Variants in CGNL1 observed in about 807,000 individuals in gnomAD.
The protein encoded by CGNL1 is cingulin like 1.
A neutral mutation model predicts 141.2 loss-of-function variants in CGNL1; 132 were observed. That is an observed-to-expected ratio of 0.93 (90% CI 0.81 to 1.08). CGNL1 has a LOEUF of 1.08. Ranked by LOEUF, CGNL1 falls within the 50% of genes least tolerant of loss-of-function variation. The pLI, the probability that CGNL1 is intolerant of heterozygous loss-of-function variation, is 0.00. For synonymous variants in CGNL1, 690 were observed against 622.1 expected, an observed-to-expected ratio of 1.11 and a Z score of -1.63; for missense variants, 1,870 against 1,588.6, an observed-to-expected ratio of 1.18 and a Z score of -3.01.
At chr15:57,399,731 C>T (rs891503624) in intron 1 of CGNL1, among the ~76,000 whole-genome samples, 3 of 152,162 alleles carry the variant, frequency 2.0e-5, no homozygotes, top group Admixed American at 2.0e-4. Context: ...AGGTCGAGTG[C>T]AGGGGCTCAT....
chr15:57,462,987 C>T (rs112638518), intron 8 of CGNL1, among the ~76,000 whole-genome samples: 3,373 of 152,204 alleles, frequency 0.022, 75 homozygotes, highest in East Asian at 0.06. Context: ...TGTGCACCAG[C>T]CTGGTATCCT....
Position 57,528,449 on chromosome 15 carries a change from G to A in CGNL1, c.3040-205G>A, listed in dbSNP as rs547800449. On this transcript the variant is annotated intron_variant, in intron 12 of 18. Transcript: ENST00000281282. ...AGAATTTGTAACCTAATAGGTTGCT[G>A]CCTGTAGCTGGAAAACCTCCTCTTT... Among the ~76,000 whole-genome samples, 49 of 152,202 alleles carry A rather than the reference G, an allele frequency of 3.2e-4. 1 individual carries two copies. The South Asian group carries it at 8.9e-3, about 28-fold the overall frequency.
chr15:57,485,011 A>T (rs527574074), intron 8 of CGNL1, among the ~76,000 whole-genome samples: 2 of 144,866 alleles, frequency 1.4e-5, no homozygotes, highest in South Asian at 4.4e-4. Flanking sequence ...CTTTGGGTTT[A>T]TATTGCTCTT....
At chr15:57,432,858 A>T (rs1333211758) in intron 1 of CGNL1, among the ~76,000 whole-genome samples, 1 of 152,266 alleles carries the variant, frequency 6.6e-6, no homozygotes, top group African/African-American at 2.4e-5. Context: ...AAATTTAAAT[A>T]TGTGGATTAA....
intron 4 of CGNL1, among the ~76,000 whole-genome samples, chr15:57,442,839 G>T (rs964885589): frequency 6.6e-6 from 1 of 152,100 alleles, no homozygotes; most frequent in Non-Finnish European, 1.5e-5. Context: ...GGCTGGTCTC[G>T]AACGTCTGGG....
At chr15:57,391,587 C>G (rs1051223280) in intron 1 of CGNL1, among the ~76,000 whole-genome samples, 15 of 152,050 alleles carry the variant, frequency 9.9e-5, no homozygotes, top group Non-Finnish European at 1.8e-4. Flanking sequence ...TGCAAGTAAA[C>G]AAAACTCAGT....
rs1268553284 is a variant in CGNL1, at chr15:57,439,345, G to C, written c.1346G>C (p.Gly449Ala). ...SVGRTFAKLQGAAHGASCAHS... is the reference protein window; with the variant it reads ...SVGRTFAKLQAAAHGASCAHS... Reference sequence around the variant, plus strand: ...GGCCGCACCTTTGCAAAGCTGCAGGGAGCAGCGCACGGGGCTTCATGTGCC... The same window carrying C: ...GGCCGCACCTTTGCAAAGCTGCAGGCAGCAGCGCACGGGGCTTCATGTGCC... Residue 449 changes from glycine (G) to alanine (A), a missense_variant, in exon 2 of 19, where the codon GGA becomes GCA. Transcript: ENST00000281282. 1.2e-6 allele frequency: 2 copies of C among 1,614,148 alleles called. No homozygotes were observed. Among genetic ancestry groups the C allele is most frequent in the Non-Finnish European group, 8.5e-7 (1 of 1,180,048 alleles).
chr15:57,462,116 C>A (rs2063455110), intron 8 of CGNL1, among the ~76,000 whole-genome samples: 1 of 152,100 alleles, frequency 6.6e-6, no homozygotes, highest in Non-Finnish European at 1.5e-5. Flanking sequence ...TGGTTAAATC[C>A]TGTTGCAGAG....
At chr15:57,424,146 G>T (rs904032234) in intron 1 of CGNL1, among the ~76,000 whole-genome samples, 19 of 152,182 alleles carry the variant, frequency 1.2e-4, no homozygotes, top group Admixed American at 1.0e-3. Flanking sequence ...CTCCCACTGG[G>T]CTCTGGCCAA....
chr15:57,529,557 GAAACAC>G (rs2031828243), intron 13 of CGNL1, among the ~76,000 whole-genome samples: 1 of 80,284 alleles, frequency 1.2e-5, no homozygotes, highest in South Asian at 4.6e-4. Context: ...CTAACCCCCA[GAAACAC>G]ACACACACAC....
intron 8 of CGNL1, among the ~76,000 whole-genome samples, chr15:57,487,922 G>A (rs111983238): frequency 6.6e-6 from 1 of 152,148 alleles, no homozygotes; most frequent in Non-Finnish European, 1.5e-5. Context: ...CATTTCTTTG[G>A]CGTGTATACC....
chr15:57,410,677 A>G (rs989868241), intron 1 of CGNL1, among the ~76,000 whole-genome samples: 4 of 152,220 alleles, frequency 2.6e-5, no homozygotes, highest in African/African-American at 9.6e-5. Flanking sequence ...TCTTTCCACA[A>G]TATCGGAGGC....
intron 1 of CGNL1, among the ~76,000 whole-genome samples, chr15:57,396,625 A>G (rs2062605845): frequency 6.6e-6 from 1 of 152,148 alleles, no homozygotes; most frequent in African/African-American, 2.4e-5. Flanking sequence ...CTCTTTGAGT[A>G]CATTTCTAGG....
intron 8 of CGNL1, among the ~76,000 whole-genome samples, chr15:57,505,620 C>G (rs1223148148): frequency 1.3e-5 from 2 of 152,140 alleles, no homozygotes; most frequent in Non-Finnish European, 2.9e-5. Context: ...CCTGTGGGTA[C>G]CAGAGTCAGC....
chr15:57,500,268 C>T (rs891726468), intron 8 of CGNL1, among the ~76,000 whole-genome samples: 6 of 152,116 alleles, frequency 3.9e-5, no homozygotes, highest in Non-Finnish European at 7.3e-5. Flanking sequence ...CCTTGCGGCC[C>T]GTGGGTTCCT....
At chr15:57,545,889 T>C (rs2032836166) in intron 17 of CGNL1, among the ~76,000 whole-genome samples, 187 bp from the exon 18 acceptor site, 1 of 152,218 alleles carries the variant, frequency 6.6e-6, no homozygotes, top group Non-Finnish European at 1.5e-5. Context: ...CAGCAAATTC[T>C]ACACCCTGAG....
intron 7 of CGNL1, among the ~76,000 whole-genome samples, chr15:57,457,649 T>C (rs754318629): frequency 2.6e-5 from 4 of 152,162 alleles, no homozygotes; most frequent in Non-Finnish European, 5.9e-5. Flanking sequence ...ACCTCTCACA[T>C]GGTGGCAAAC....
chr15:57,539,369 T>G (rs954046761), intron 14 of CGNL1, among the ~76,000 whole-genome samples: 3 of 152,138 alleles, frequency 2.0e-5, no homozygotes, highest in African/African-American at 4.8e-5. Context: ...CAGGGCTGGA[T>G]CCTGTCCCTC....
At chr15:57,484,512 A>T (rs2063763628) in intron 8 of CGNL1, among the ~76,000 whole-genome samples, 1 of 151,362 alleles carries the variant, frequency 6.6e-6, no homozygotes, top group African/African-American at 2.4e-5. Flanking sequence ...AATCTTACTG[A>T]TTTTTTTTGT....
Sources: allele counts gnomAD v4.1 joint callset (sites outside exome capture counted in the v4.1 genomes callset), GRCh38; gene constraint gnomAD v4.1.1; transcripts MANE v1.5; gene names NCBI Gene and HGNC (gene_info 2026-07-23, HGNC 2026-07-21).